SLIT3: variants seen among roughly 807,000 people sequenced by gnomAD.
The protein encoded by SLIT3 is slit guidance ligand 3, also known as slit homolog 3 protein.
SLIT3 carries 68 observed loss-of-function variants against 184.0 expected under a neutral mutation model. The ratio of observed to expected loss-of-function variants is 0.37; its 90% CI spans 0.30 to 0.45. The LOEUF (loss-of-function observed/expected upper bound fraction) is 0.45, where lower values mean the gene tolerates loss of function less well. Ranked by LOEUF, SLIT3 falls within the 20% of genes least tolerant of loss-of-function variation. The pLI is 1.00. For synonymous variants in SLIT3, 831 were observed against 828.6 expected (o/e 1.00, Z -0.05); for missense variants, 1,707 against 2,026.0 (o/e 0.84, Z 3.02).
chr5:169,167,987 G>A (rs978270774), intron 4 of SLIT3, among the ~76,000 whole-genome samples: 28 of 152,224 alleles, frequency 1.8e-4, no homozygotes, highest in Non-Finnish European at 3.7e-4. Flanking sequence ...CTCTACCTGA[G>A]AATTTCCTAG....
intron 5 of SLIT3, among the ~76,000 whole-genome samples, chr5:168,846,604 G>A (rs1292903191): frequency 1.4e-5 from 2 of 146,176 alleles, no homozygotes; most frequent in African/African-American, 2.5e-5. Flanking sequence ...TCGAGAAACT[G>A]TTCAATGAAC....
intron 8 of SLIT3, among the ~76,000 whole-genome samples, chr5:168,807,127 G>A (rs748093064): frequency 1.3e-5 from 2 of 152,056 alleles, no homozygotes; most frequent in Admixed American, 6.6e-5. Flanking sequence ...TTTGTCCAGG[G>A]AACATGCAAA....
chr5:169,040,383 G>A (rs1322708857), intron 4 of SLIT3, among the ~76,000 whole-genome samples: 1 of 152,172 alleles, frequency 6.6e-6, no homozygotes, highest in Admixed American at 6.5e-5. Context: ...ACAAAATTGT[G>A]TATAAACAGC....
chr5:169,204,227 C>G (rs1243265607), intron 3 of SLIT3, among the ~76,000 whole-genome samples: 3 of 152,206 alleles, frequency 2.0e-5, no homozygotes, highest in Admixed American at 2.0e-4. Flanking sequence ...GGTTAGCCAA[C>G]TTCTGCTGAG....
intron 4 of SLIT3, among the ~76,000 whole-genome samples, chr5:168,910,827 G>C (rs1739910457): frequency 6.6e-6 from 1 of 152,020 alleles, no homozygotes; most frequent in Admixed American, 6.6e-5. Context: ...CTGTATGCTT[G>C]ATCAGAATGC....
intron 6 of SLIT3, among the ~76,000 whole-genome samples, chr5:168,841,344 G>A (rs1758240413): frequency 6.6e-6 from 1 of 152,196 alleles, no homozygotes; most frequent in South Asian, 2.1e-4. Flanking sequence ...AGCACTGGTG[G>A]TATCACTGGG....
At chr5:169,111,956 G>C (rs1286616112) in intron 4 of SLIT3, among the ~76,000 whole-genome samples, 1 of 152,192 alleles carries the variant, frequency 6.6e-6, no homozygotes. Context: ...ACTTCAGCCA[G>C]GGGCTCAGTC....
chr5:168,831,127 T>C (rs944610527), intron 6 of SLIT3, among the ~76,000 whole-genome samples: 3 of 152,244 alleles, frequency 2.0e-5, no homozygotes, highest in Admixed American at 1.3e-4. Flanking sequence ...CGTATCAGTG[T>C]TGCCAAAAGC....
chr5:169,048,781 A>G (rs1425695746), intron 4 of SLIT3, among the ~76,000 whole-genome samples: 1 of 152,222 alleles, frequency 6.6e-6, no homozygotes, highest in Non-Finnish European at 1.5e-5. Flanking sequence ...GAGGTGGTAT[A>G]GGATTCTTCT....
intron 20 of SLIT3, among the ~76,000 whole-genome samples, chr5:168,730,473 A>G (rs1358884469): frequency 6.6e-6 from 1 of 152,078 alleles, no homozygotes; most frequent in African/African-American, 2.4e-5. Context: ...ACCACAAGTT[A>G]GCCCACAAAA....
At chr5:168,768,297 C>A in intron 14 of SLIT3, 1 of 475,956 alleles carries the variant, frequency 2.1e-6, no homozygotes. Flanking sequence ...AGGACAGGAG[C>A]GCTCAGAGGA....
In SLIT3 at chr5:168,700,439, A is replaced by G. The variant is rs1380743219; in HGVS notation, c.2942+143T>C. Reference sequence around the variant, plus strand: ...GTTTGCTTTTCCTTTGCCTTCTGCCATGATTGTGAGGCTTCCCAGCCATGC... The same window carrying G: ...GTTTGCTTTTCCTTTGCCTTCTGCCGTGATTGTGAGGCTTCCCAGCCATGC... On this transcript the variant is annotated intron_variant, in intron 27 of 35. Transcript: ENST00000519560. The G allele has an allele frequency of 2.2e-5, 14 of 650,452 alleles. 1 individual carries two copies. The highest frequency in any genetic ancestry group is 1.9e-4 in the South Asian group (10 of 53,136). 40.3% of individuals were successfully genotyped at this position (650,452 alleles called of 1,614,324 possible). A position where few individuals can be genotyped will look rare whatever the true frequency, so the allele number is the denominator to read the frequency against.
intron 1 of SLIT3, among the ~76,000 whole-genome samples, chr5:169,273,917 T>G (rs4242183): frequency 0.8 from 121,342 of 152,156 alleles, 48,618 homozygotes; most frequent in African/African-American, 0.88. Context: ...ATAAATAAGT[T>G]AATGTGCAGC....
At chr5:168,740,345 C>T (rs1387664423) in intron 20 of SLIT3, among the ~76,000 whole-genome samples, 2 of 152,214 alleles carry the variant, frequency 1.3e-5, no homozygotes, top group Non-Finnish European at 2.9e-5. Flanking sequence ...AAAATCACCT[C>T]CTGCTCAGAT....
intron 5 of SLIT3, among the ~76,000 whole-genome samples, chr5:168,867,239 A>T (rs1162440056): frequency 2.6e-5 from 4 of 152,212 alleles, no homozygotes; most frequent in Non-Finnish European, 5.9e-5. Context: ...CTTTACCATT[A>T]TGACTTTAAA....
intron 1 of SLIT3, among the ~76,000 whole-genome samples, chr5:169,261,221 A>T (rs1202931201): frequency 6.6e-6 from 1 of 152,092 alleles, no homozygotes; most frequent in Non-Finnish European, 1.5e-5. Flanking sequence ...ATCCAGGAAC[A>T]GGTGACATTT....
At chr5:169,012,507 T>G (rs1414343630) in intron 4 of SLIT3, 1 of 152,222 alleles carries the variant, frequency 6.6e-6, no homozygotes, top group Non-Finnish European at 1.5e-5. Context: ...GTGGAGGCTC[T>G]GCTAAGCACT....
At chr5:168,777,515 G>T (rs375349470) in intron 12 of SLIT3, among the ~76,000 whole-genome samples, 1 of 152,086 alleles carries the variant, frequency 6.6e-6, no homozygotes, top group African/African-American at 2.4e-5. Flanking sequence ...TCATCCAGAT[G>T]CTCCTTTGTT....
chr5:168,681,053 G>A (rs1241316303), intron 32 of SLIT3, among the ~76,000 whole-genome samples: 1 of 152,220 alleles, frequency 6.6e-6, no homozygotes, highest in Non-Finnish European at 1.5e-5. Flanking sequence ...GGAGGCTGAG[G>A]TAGGAGGATC....
Sources: allele counts gnomAD v4.1 joint callset (sites outside exome capture counted in the v4.1 genomes callset), GRCh38; gene constraint gnomAD v4.1.1; transcripts MANE v1.5; gene names NCBI Gene and HGNC (gene_info 2026-07-23, HGNC 2026-07-21).